Variants in PPP1R12B observed in about 807,000 individuals in gnomAD.
PPP1R12B encodes the protein protein phosphatase 1 regulatory subunit 12B.
A neutral mutation model predicts 126.1 loss-of-function variants in PPP1R12B; 76 were observed. The observed-to-expected ratio is 0.60, with a 90% confidence interval of 0.50 to 0.73. The LOEUF (loss-of-function observed/expected upper bound fraction) is 0.73. Among genes scored for constraint, PPP1R12B ranks in the 30% least tolerant of loss-of-function variants. The pLI, the probability that PPP1R12B is intolerant of heterozygous loss-of-function variation, is 0.00. For synonymous variants in PPP1R12B, 356 were observed against 434.7 expected, an observed-to-expected ratio of 0.82 and a Z score of 2.25; for missense variants, 1,052 against 1,205.1, an observed-to-expected ratio of 0.87 and a Z score of 1.88.
intron 18 of PPP1R12B, among the ~76,000 whole-genome samples, chr1:202,543,414 C>T (rs1003723740): frequency 6.6e-6 from 1 of 152,060 alleles, no homozygotes. Context: ...ATTCTCTGAA[C>T]ACAAAATTAT....
At chr1:202,535,374 A>G (rs969687543) in intron 18 of PPP1R12B, among the ~76,000 whole-genome samples, 1 of 152,092 alleles carries the variant, frequency 6.6e-6, no homozygotes, top group African/African-American at 2.4e-5. Flanking sequence ...AAAAGAGGAA[A>G]AAGTAGAAAT....
At chr1:202,572,689 C>T (rs1278527631) in intron 23 of PPP1R12B, among the ~76,000 whole-genome samples, 1 of 152,196 alleles carries the variant, frequency 6.6e-6, no homozygotes. Context: ...CAGCATCAGC[C>T]TCCTTGTCAG....
chr1:202,532,944 AC>A (rs1312285106), intron 18 of PPP1R12B, among the ~76,000 whole-genome samples: 1 of 130,328 alleles, frequency 7.7e-6, no homozygotes, highest in African/African-American at 3.0e-5. Flanking sequence ...ATCTCGGCTC[AC>A]CCCAACCTCT....
At chr1:202,504,379 C>T (rs1198155352) in intron 18 of PPP1R12B, among the ~76,000 whole-genome samples, 4 of 151,970 alleles carry the variant, frequency 2.6e-5, no homozygotes, top group African/African-American at 4.8e-5. Flanking sequence ...GGCAACAGAG[C>T]GAGACCCTGT....
rs560146130 is a variant in PPP1R12B, at chr1:202,516,553, A to G, written c.2490+19731A>G. 2.5e-4 allele frequency among the ~76,000 whole-genome samples: 38 copies of G among 151,838 alleles called. 1 individual carries two copies. The highest frequency in any genetic ancestry group is 9.2e-4 in the African/African-American group (38 of 41,368). ...CATCTGCGTATAACGATTTTGATGG[A>G]TTTTCTGGGAATTAATAGTCTTTGG... On this transcript the variant is annotated intron_variant, in intron 18 of 23. Coordinates refer to ENST00000608999, the MANE Select transcript of PPP1R12B (RefSeq NM_002481.4).
chr1:202,489,943 A>G (rs1041838810), intron 14 of PPP1R12B, among the ~76,000 whole-genome samples: 3 of 152,170 alleles, frequency 2.0e-5, no homozygotes, highest in Non-Finnish European at 4.4e-5. Context: ...TAGAAAAATC[A>G]CCCTGCAGAT....
chr1:202,459,286 AG>A (rs1380074970), intron 13 of PPP1R12B, among the ~76,000 whole-genome samples: 1 of 152,134 alleles, frequency 6.6e-6, no homozygotes. Flanking sequence ...AGAATGATAA[AG>A]GATTACTGTT....
chr1:202,449,916 G>A (rs1672723732), intron 13 of PPP1R12B, among the ~76,000 whole-genome samples: 1 of 151,942 alleles, frequency 6.6e-6, no homozygotes, highest in African/African-American at 2.4e-5. Context: ...TCGATGTCCT[G>A]ACCTCGTGAT....
intron 18 of PPP1R12B, among the ~76,000 whole-genome samples, chr1:202,527,956 C>T (rs1683523379): frequency 6.6e-6 from 1 of 152,164 alleles, no homozygotes; most frequent in South Asian, 2.1e-4. Flanking sequence ...CTGATTATAC[C>T]TAGGTGGTAC....
chr1:202,430,816 A>G lies in PPP1R12B; in HGVS notation c.1001+6A>G, dbSNP rs1670096657. 3.7e-6 allele frequency: 6 copies of G among 1,611,200 alleles called. No individual in the cohort carries two copies. The highest frequency in any genetic ancestry group is 5.1e-6 in the Non-Finnish European group (6 of 1,178,176). ...CAGAGTGGGTTCTTTAAGAAGTAAG[A>G]CATTTAGGCTTGAGTAATGGGATGA... On this transcript the variant is annotated splice_donor_region_variant and intron_variant, in intron 7 of 23. Transcript: ENST00000608999.
chr1:202,553,721 G>T (rs1686577590), intron 18 of PPP1R12B, among the ~76,000 whole-genome samples: 1 of 152,132 alleles, frequency 6.6e-6, no homozygotes, highest in Non-Finnish European at 1.5e-5. Flanking sequence ...CCTAAGCCTT[G>T]TGTTCTAGGA....
In PPP1R12B at chr1:202,502,115, T is replaced by G. The variant is rs1018105224; in HGVS notation, c.2490+5293T>G. On this transcript the variant is annotated intron_variant, in intron 18 of 23. Coordinates refer to ENST00000608999, the MANE Select transcript of PPP1R12B (RefSeq NM_002481.4). ...TGGCACTCAATCTGAACAAAATCAC[T>G]GAAACCTTACCCTCAAAGTTAGCAA... 3.0e-6 allele frequency: 3 copies of G among 985,624 alleles called. No individual in the cohort carries two copies. In the African/African-American group the frequency reaches 5.2e-5, roughly 17 times the overall value. 61.1% of individuals were successfully genotyped at this position (985,624 alleles called of 1,614,324 possible).
Position 202,496,819 on chromosome 1 carries a change from G to T in PPP1R12B, c.2487G>T (p.Thr829=). 6.2e-7 allele frequency: 1 copy of T among 1,611,464 alleles called. No individual in the cohort carries two copies. Among genetic ancestry groups the T allele is most frequent in the Middle Eastern group, 1.7e-4 (1 of 6,046 alleles). The change falls in exon 18 of 24, where the codon ACG becomes ACT. Residue 829 remains threonine, a synonymous_variant. Transcript: ENST00000608999. ...ETDGSEEVKE[T]WHERLSRLES... is the part of the protein sequence containing the mutation. Reference sequence around the variant, plus strand: ...ATGGCTCTGAAGAGGTCAAAGAAACGTGGGTAAGTGACAAGCCAGTGAAGC... The same window carrying T: ...ATGGCTCTGAAGAGGTCAAAGAAACTTGGGTAAGTGACAAGCCAGTGAAGC...
chr1:202,438,365 C>A, intron 10 of PPP1R12B: 1 of 849,472 alleles, frequency 1.2e-6, no homozygotes, highest in South Asian at 1.4e-5. Flanking sequence ...GGTCCTGGAT[C>A]CAGAGGGCCA....
In PPP1R12B at chr1:202,589,064, T is replaced by A. The variant is rs537296055; in HGVS notation, c.*8504T>A. ...AGTCTCCTGCCATCACCCTTAGTCA[T>A]CTGCTATATCCATAAGTCTTCATGA... On this transcript the variant is annotated 3_prime_UTR_variant, in exon 24 of 24. Coordinates refer to ENST00000608999, the MANE Select transcript of PPP1R12B (RefSeq NM_002481.4). The A allele has an allele frequency of 6.6e-6, 1 of 152,290 alleles. No homozygotes were observed. The highest frequency in any genetic ancestry group is 2.4e-5 in the African/African-American group (1 of 41,542). 9.4% of individuals were successfully genotyped at this position (152,290 alleles called of 1,614,324 possible). A position where few individuals can be genotyped will look rare whatever the true frequency, so the allele number is the denominator to read the frequency against.
At position 202,537,541 on chromosome 1, in the gene PPP1R12B, C is replaced by T. The variant is rs184432893; in HGVS notation, c.2491-21336C>T. 5.7e-3 allele frequency among the ~76,000 whole-genome samples: 871 copies of T among 152,246 alleles called. 7 individuals carry two copies. Among genetic ancestry groups the T allele is most frequent in the Middle Eastern group, 0.037 (11 of 294 alleles). On this transcript the variant is annotated intron_variant, in intron 18 of 23. Transcript: ENST00000608999. ...AGGTGAGATAATATATGTTAAAACA[C>T]TTTATAAAATATAAAAGAGTTTGTC... is the stretch of plus-strand genomic sequence containing the variant.
At chr1:202,439,710 G>T in intron 10 of PPP1R12B, 3 of 592,930 alleles carry the variant, frequency 5.1e-6, no homozygotes, top group Admixed American at 5.7e-5. Context: ...GGGTTGTGCA[G>T]CCCAGCCAGC....
At chr1:202,499,729 G>A (rs1428276772) in intron 18 of PPP1R12B, among the ~76,000 whole-genome samples, 1 of 152,160 alleles carries the variant, frequency 6.6e-6, no homozygotes, top group Non-Finnish European at 1.5e-5. Flanking sequence ...TGACAACAAC[G>A]TGGTTTAAGA....
chr1:202,477,096 T>C (rs1352832690), intron 13 of PPP1R12B, among the ~76,000 whole-genome samples: 12 of 152,168 alleles, frequency 7.9e-5, no homozygotes, highest in Admixed American at 7.9e-4. Context: ...GTGATGAATA[T>C]TGTAGCACAC....
Sources: gnomAD v4.1 joint callset for allele counts (sites outside exome capture counted in the v4.1 genomes callset) on GRCh38, gnomAD v4.1.1 for gene constraint, MANE v1.5 for transcripts, NCBI Gene and HGNC (gene_info 2026-07-23, HGNC 2026-07-21) for gene names.